Variants in RHOJ observed in about 807,000 individuals in gnomAD.
The protein encoded by RHOJ is ras homolog family member J.
In RHOJ, 11 loss-of-function variants were observed where a neutral mutation model predicts 23.4. The ratio of observed to expected loss-of-function variants is 0.47; its 90% CI spans 0.30 to 0.78. RHOJ has a LOEUF of 0.78. RHOJ is among the 30% of genes least tolerant of loss of function. The probability of loss-of-function intolerance (pLI) is 0.08; values close to 1 mark genes in which losing one functional copy is unlikely to be tolerated. For synonymous variants in RHOJ, 102 were observed against 102.7 expected (o/e 0.99, Z 0.04); for missense variants, 254 against 273.4 (o/e 0.93, Z 0.50).
chr14:63,213,867 A>G (rs1486607588), intron 1 of RHOJ, among the ~76,000 whole-genome samples: 1 of 152,110 alleles, frequency 6.6e-6, no homozygotes, highest in African/African-American at 2.4e-5. Flanking sequence ...GAGTGGTGGT[A>G]TGGGCCAGGC....
chr14:63,205,075 T>G, intron 1 of RHOJ, 28 bp downstream of exon 1: 1 of 1,601,516 alleles, frequency 6.2e-7, no homozygotes, highest in Non-Finnish European at 8.5e-7. Flanking sequence ...ACTCTCTGCA[T>G]CCAGACAAAC....
At chr14:63,284,776 G>A (rs1445625546) in intron 4 of RHOJ, among the ~76,000 whole-genome samples, 1 of 152,162 alleles carries the variant, frequency 6.6e-6, no homozygotes, top group African/African-American at 2.4e-5. Context: ...GCAGGAACTC[G>A]CGTTCTGTGT....
chr14:63,281,156 A>T (rs1273459554), intron 3 of RHOJ, 21 bp downstream of exon 3: 1 of 1,588,080 alleles, frequency 6.3e-7, no homozygotes, highest in Non-Finnish European at 8.6e-7. Context: ...GGGCGATGGC[A>T]GGGTGGAGCG....
chr14:63,212,399 C>T (rs961191645), intron 1 of RHOJ, among the ~76,000 whole-genome samples: 19 of 152,098 alleles, frequency 1.2e-4, no homozygotes, highest in African/African-American at 4.1e-4. Context: ...GTAAAAAAAA[C>T]TCACTCTTTT....
chr14:63,285,417 C>A (rs540963250), intron 4 of RHOJ, among the ~76,000 whole-genome samples: 1 of 152,296 alleles, frequency 6.6e-6, no homozygotes, highest in Non-Finnish European at 1.5e-5. Context: ...AAGTTCCCCC[C>A]CAACTTAAAG....
chr14:63,235,180 C>T (rs999773274), intron 1 of RHOJ, among the ~76,000 whole-genome samples: 12 of 149,922 alleles, frequency 8.0e-5, no homozygotes, highest in African/African-American at 3.0e-4. Flanking sequence ...GGATGTGATA[C>T]ATTCCACAAG....
rs1395593612 is a variant in RHOJ, at chr14:63,291,315, A to G, written c.*291A>G. On this transcript the variant is annotated 3_prime_UTR_variant, in exon 5 of 5. Transcript: ENST00000316754. ...AAAACAAAGTCAAAGGCCATCTCAC[A>G]TTTTACAAATCCCCAGCTCATGAAC... 1 of 408,086 alleles carries G rather than the reference A, an allele frequency of 2.5e-6. No individual in the cohort carries two copies. The highest frequency in any genetic ancestry group is 2.1e-5 in the African/African-American group (1 of 48,766). 25.3% of individuals were successfully genotyped at this position (408,086 alleles called of 1,614,324 possible). A position where few individuals can be genotyped will look rare whatever the true frequency, so the allele number is the denominator to read the frequency against.
intron 1 of RHOJ, among the ~76,000 whole-genome samples, chr14:63,261,886 C>T (rs574427573): frequency 2.6e-5 from 4 of 152,248 alleles, no homozygotes; most frequent in Admixed American, 1.3e-4. Flanking sequence ...GTGTTTTTAA[C>T]TTTCCTAAAA....
At chr14:63,236,792 G>T (rs1263093650) in intron 1 of RHOJ, among the ~76,000 whole-genome samples, 1 of 120,424 alleles carries the variant, frequency 8.3e-6, no homozygotes, top group African/African-American at 4.2e-5. Context: ...CACACACAGA[G>T]TTGTCTCTCA....
At chr14:63,275,775 T>G (rs10483768) in intron 2 of RHOJ, among the ~76,000 whole-genome samples, 17,512 of 152,150 alleles carry the variant, frequency 0.12, 1,269 homozygotes, top group African/African-American at 0.21. Context: ...AAATACCAAC[T>G]AAACCACTTA....
At chr14:63,242,150 T>G (rs1894894186) in intron 1 of RHOJ, among the ~76,000 whole-genome samples, 1 of 152,214 alleles carries the variant, frequency 6.6e-6, no homozygotes, top group East Asian at 1.9e-4. Context: ...AGCCTAAGTG[T>G]AGTTGTGTCT....
chr14:63,212,389 G>T (rs1166438386), intron 1 of RHOJ, among the ~76,000 whole-genome samples: 1 of 152,004 alleles, frequency 6.6e-6, no homozygotes, highest in African/African-American at 2.4e-5. Context: ...TTTCCCACAT[G>T]TAAAAAAAAC....
chr14:63,232,242 TC>T lies in RHOJ; in HGVS notation c.178+27196del, dbSNP rs1348545409. 2.0e-5 allele frequency among the ~76,000 whole-genome samples: 3 copies of T among 152,374 alleles called. No individual in the cohort carries two copies. The East Asian group carries it at 5.8e-4, about 29-fold the overall frequency. On this transcript the variant is annotated intron_variant, in intron 1 of 4. Coordinates refer to ENST00000316754, the MANE Select transcript of RHOJ (RefSeq NM_020663.5). ...ATTCTTGGGAATTCAAGCATACTTT[TC>T]TTTTCTGATACTTCAAAAGATTACT...
intron 4 of RHOJ, 21 bp from the exon 5 acceptor site, chr14:63,290,857 T>C (rs551263322): frequency 1.9e-6 from 3 of 1,593,000 alleles, no homozygotes; most frequent in Non-Finnish European, 2.6e-6. Flanking sequence ...CTCTCATGCC[T>C]TTCTCTCTTT....
At chr14:63,275,935 AT>A (rs1251720598) in intron 2 of RHOJ, among the ~76,000 whole-genome samples, 1 of 152,060 alleles carries the variant, frequency 6.6e-6, no homozygotes, top group Non-Finnish European at 1.5e-5. Flanking sequence ...ACTTTCTTTT[AT>A]TAATCCTGAC....
At chr14:63,242,761 C>A (rs909098511) in intron 1 of RHOJ, among the ~76,000 whole-genome samples, 3 of 152,274 alleles carry the variant, frequency 2.0e-5, no homozygotes, top group South Asian at 2.1e-4. Context: ...TGAGAAAAAA[C>A]TCATAAGCTC....
At chr14:63,284,670 A>G (rs1882023024) in intron 4 of RHOJ, among the ~76,000 whole-genome samples, 1 of 152,198 alleles carries the variant, frequency 6.6e-6, no homozygotes, top group Non-Finnish European at 1.5e-5. Context: ...TCTCATTAAG[A>G]TACCTAAATA....
At chr14:63,268,588 T>G (rs1220652089) in intron 1 of RHOJ, among the ~76,000 whole-genome samples, 2 of 152,254 alleles carry the variant, frequency 1.3e-5, no homozygotes, top group Non-Finnish European at 2.9e-5. Context: ...CTCATTTAAC[T>G]ATTTGCCTTG....
chr14:63,219,027 T>C (rs1024458118), intron 1 of RHOJ, among the ~76,000 whole-genome samples: 1 of 152,362 alleles, frequency 6.6e-6, no homozygotes, highest in African/African-American at 2.4e-5. Flanking sequence ...AAGGAGCTAG[T>C]AAACTTACCA....
Sources: gnomAD v4.1 joint callset for allele counts (sites outside exome capture counted in the v4.1 genomes callset) on GRCh38, gnomAD v4.1.1 for gene constraint, MANE v1.5 for transcripts, NCBI Gene and HGNC (gene_info 2026-07-23, HGNC 2026-07-21) for gene names.